XPO7: variants seen among roughly 807,000 people sequenced by gnomAD.
The protein encoded by XPO7 is exportin 7, also known as exportin-7.
A neutral mutation model predicts 144.3 loss-of-function variants in XPO7; 21 were observed. The observed-to-expected ratio is 0.15, with a 90% CI of 0.10 to 0.21. XPO7 has a LOEUF of 0.21. Among genes scored for constraint, XPO7 ranks in the 10% least tolerant of loss-of-function variants. XPO7 has a pLI of 1.00. For missense variants in XPO7, 808 were observed against 1,325.8 expected, an observed-to-expected ratio of 0.61 and a Z score of 6.06; for synonymous variants, 580 against 499.6, an observed-to-expected ratio of 1.16 and a Z score of -2.15.
chr8:21,976,315 A>T lies in XPO7; in HGVS notation c.598-41A>T, dbSNP rs763282825. On this transcript the variant is annotated intron_variant, in intron 6 of 27. Coordinates refer to ENST00000252512, the MANE Select transcript of XPO7 (RefSeq NM_015024.5). The stretch of plus-strand genomic sequence containing the variant: ...GAGTCTGGGAGCAAGCTGGGAAGAG[A>T]GGAGTGATTTTGGGGACTCATTATG... The T allele has an allele frequency of 9.4e-6, 15 of 1,597,492 alleles. No individual in the cohort carries two copies. The South Asian group carries it at 1.4e-4, about 15-fold the overall frequency.
intron 1 of XPO7, among the ~76,000 whole-genome samples, chr8:21,959,151 T>A (rs1811638390): frequency 6.6e-6 from 1 of 152,196 alleles, no homozygotes; most frequent in Non-Finnish European, 1.5e-5. Flanking sequence ...AAACAGAATC[T>A]GCGAATAACG....
At chr8:21,985,951 C>T (rs1812565184) in intron 13 of XPO7, among the ~76,000 whole-genome samples, 1 of 152,092 alleles carries the variant, frequency 6.6e-6, no homozygotes, top group Non-Finnish European at 1.5e-5. Flanking sequence ...GGTCTTTTTA[C>T]GAATAGTATC....
intron 1 of XPO7, among the ~76,000 whole-genome samples, chr8:21,936,639 G>T (rs780301318): frequency 3.0e-4 from 45 of 152,216 alleles, no homozygotes; most frequent in African/African-American, 1.1e-3. Context: ...ACTATGTATT[G>T]TATCTTTCTC....
At chr8:21,924,665 T>C (rs868253884) in intron 1 of XPO7, among the ~76,000 whole-genome samples, 1 of 152,112 alleles carries the variant, frequency 6.6e-6, no homozygotes, top group Non-Finnish European at 1.5e-5. Flanking sequence ...ACACAAAATT[T>C]TACCCACAAT....
At chr8:21,985,506 A>G in intron 12 of XPO7, 80 bp from the exon 13 acceptor site, 1 of 1,295,478 alleles carries the variant, frequency 7.7e-7, no homozygotes, top group Non-Finnish European at 1.1e-6. Context: ...CAGTGTTCTT[A>G]AGATTAAGGA....
intron 18 of XPO7, 61 bp downstream of exon 18, chr8:21,990,980 G>T: frequency 6.7e-7 from 1 of 1,497,238 alleles, no homozygotes; most frequent in Non-Finnish European, 9.2e-7. Context: ...ATTTTTATTT[G>T]AGGACTGAAA....
intron 1 of XPO7, among the ~76,000 whole-genome samples, chr8:21,944,383 C>G (rs1487856623): frequency 6.6e-6 from 1 of 152,086 alleles, no homozygotes; most frequent in Non-Finnish European, 1.5e-5. Flanking sequence ...GCCTGGCCAA[C>G]GTGGTGAAAC....
At chr8:21,977,452 G>T (rs1563329230) in intron 7 of XPO7, among the ~76,000 whole-genome samples, 1 of 152,176 alleles carries the variant, frequency 6.6e-6, no homozygotes, top group South Asian at 2.1e-4. Flanking sequence ...GGTGGCACGT[G>T]CCTGTAATCC....
intron 1 of XPO7, among the ~76,000 whole-genome samples, chr8:21,928,410 C>G (rs929351152): frequency 1.3e-5 from 2 of 152,242 alleles, no homozygotes; most frequent in African/African-American, 2.4e-5. Flanking sequence ...ATATACCAGT[C>G]TCTGTATGGA....
At chr8:21,970,369 A>AACAT in intron 4 of XPO7, 59 bp downstream of exon 4, 6 of 1,135,686 alleles carry the variant, frequency 5.3e-6, no homozygotes, top group Non-Finnish European at 7.5e-6. Flanking sequence ...CATATATATA[A>AACAT]ACACACACAC....
chr8:21,921,582 G>A (rs552879771), intron 1 of XPO7: 1 of 152,290 alleles, frequency 6.6e-6, no homozygotes, highest in South Asian at 2.1e-4. Context: ...GTGAAAGTCA[G>A]GATGCATCAA....
rs1434312501 is a variant in XPO7 at position 21,961,686 on chromosome 8, T to C, written c.19-5171T>C. On this transcript the variant is annotated intron_variant, in intron 1 of 27. Transcript: ENST00000252512. Reference sequence around the variant, plus strand: ...GTTTTTCTGAGACAGAGTCTCACTCTGTCGCCCAGGCTGGAGTGCAGTGGC... The same window carrying C: ...GTTTTTCTGAGACAGAGTCTCACTCCGTCGCCCAGGCTGGAGTGCAGTGGC... Among the ~76,000 whole-genome samples, 24 of 152,254 alleles carry C rather than the reference T, an allele frequency of 1.6e-4. 1 individual carries two copies. The highest frequency in any genetic ancestry group is 1.6e-3 in the Admixed American group (24 of 15,282).
At chr8:21,990,140 C>T (rs1418877423) in intron 16 of XPO7, among the ~76,000 whole-genome samples, 3 of 151,932 alleles carry the variant, frequency 2.0e-5, no homozygotes, top group East Asian at 3.9e-4. Flanking sequence ...TGAGCCACCG[C>T]GCCCGGCCAG....
At chr8:21,925,910 C>T (rs1810444505) in intron 1 of XPO7, among the ~76,000 whole-genome samples, 2 of 152,188 alleles carry the variant, frequency 1.3e-5, no homozygotes, top group South Asian at 2.1e-4. Flanking sequence ...ATTTCTTAAA[C>T]TCCCAGAGTT....
intron 9 of XPO7, among the ~76,000 whole-genome samples, chr8:21,980,807 G>A (rs1374219554): frequency 1.3e-5 from 2 of 150,152 alleles, no homozygotes; most frequent in Admixed American, 6.6e-5. Flanking sequence ...TTTGGTTTTT[G>A]ATTTTGTTTA....
intron 9 of XPO7, among the ~76,000 whole-genome samples, chr8:21,980,545 G>A (rs966184530): frequency 1.3e-5 from 2 of 152,164 alleles, no homozygotes; most frequent in Admixed American, 6.5e-5. Flanking sequence ...GCCAAGGTGG[G>A]CAGATCACTT....
At chr8:21,962,784 A>C (rs1221502788) in intron 1 of XPO7, among the ~76,000 whole-genome samples, 2 of 152,230 alleles carry the variant, frequency 1.3e-5, no homozygotes, top group African/African-American at 4.8e-5. Flanking sequence ...TTCACCTTCT[A>C]ACCTAACAAT....
intron 1 of XPO7, chr8:21,921,550 A>G (rs573234029): frequency 6.6e-6 from 1 of 152,312 alleles, no homozygotes; most frequent in African/African-American, 2.4e-5. Context: ...CACATTTTCG[A>G]AGCATAAAGG....
intron 1 of XPO7, among the ~76,000 whole-genome samples, chr8:21,964,824 A>G (rs1188473058): frequency 6.6e-6 from 1 of 152,262 alleles, no homozygotes; most frequent in African/African-American, 2.4e-5. Context: ...GTAAGGAACT[A>G]CCTGTAACAG....
Sources: gnomAD v4.1 joint callset for allele counts (sites outside exome capture counted in the v4.1 genomes callset) on GRCh38, gnomAD v4.1.1 for gene constraint, MANE v1.5 for transcripts, NCBI Gene and HGNC (gene_info 2026-07-23, HGNC 2026-07-21) for gene names.